Variants in KCNU1 observed in about 807,000 individuals in gnomAD.
KCNU1 encodes potassium calcium-activated channel subfamily U member 1.
In KCNU1, 93 loss-of-function variants were observed where a neutral mutation model predicts 126.8. The observed-to-expected ratio is 0.73, with a 90% CI of 0.62 to 0.87. KCNU1 has a LOEUF of 0.87. Among genes scored for constraint, KCNU1 ranks in the 40% least tolerant of loss-of-function variants. The probability of loss-of-function intolerance (pLI) is 0.00; values close to 1 mark genes in which losing one functional copy is unlikely to be tolerated. For missense variants in KCNU1, 1,330 were observed against 1,367.1 expected, an observed-to-expected ratio of 0.97 and a Z score of 0.43; for synonymous variants, 523 against 494.2, an observed-to-expected ratio of 1.06 and a Z score of -0.77.
intron 20 of KCNU1, among the ~76,000 whole-genome samples, chr8:36,908,095 G>A (rs1038539619): frequency 1.6e-4 from 24 of 152,068 alleles, no homozygotes; most frequent in African/African-American, 2.7e-4. Context: ...TTCTGACTCC[G>A]AGTCCAGGGT....
intron 19 of KCNU1, among the ~76,000 whole-genome samples, chr8:36,902,076 T>C (rs1255337346): frequency 6.6e-6 from 1 of 152,140 alleles, no homozygotes; most frequent in Admixed American, 6.6e-5. Flanking sequence ...AACGGAGCTT[T>C]AGTTAAGGGA....
At chr8:36,784,939 C>T (rs1802658851) in intron 1 of KCNU1, among the ~76,000 whole-genome samples, 1 of 152,176 alleles carries the variant, frequency 6.6e-6, no homozygotes, top group Non-Finnish European at 1.5e-5. Context: ...TTTAACAAGA[C>T]AATTGTGCTA....
intron 10 of KCNU1, among the ~76,000 whole-genome samples, chr8:36,824,479 G>C (rs1395991387): frequency 6.6e-6 from 1 of 152,036 alleles, no homozygotes; most frequent in Non-Finnish European, 1.5e-5. Flanking sequence ...TGTATATATA[G>C]GAAAAATGGT....
chr8:36,921,659 GAAAAAA>G (rs58109120), intron 23 of KCNU1, among the ~76,000 whole-genome samples: 2 of 97,764 alleles, frequency 2.0e-5, no homozygotes, highest in Admixed American at 1.0e-4. Flanking sequence ...ATGAAGTGAG[GAAAAAA>G]AAAAAAAAAA....
At chr8:36,882,674 C>G (rs1806532032) in intron 19 of KCNU1, among the ~76,000 whole-genome samples, 1 of 152,112 alleles carries the variant, frequency 6.6e-6, no homozygotes. Flanking sequence ...ACCTCCTCCT[C>G]CCAGGTTCAA....
intron 2 of KCNU1, among the ~76,000 whole-genome samples, chr8:36,803,722 T>A (rs192278253): frequency 1.0e-3 from 152 of 152,304 alleles, no homozygotes; most frequent in Middle Eastern, 3.4e-3. Context: ...CATCTTGAGA[T>A]CAAAGATTAA....
chr8:36,871,407 A>C (rs2117364473), intron 19 of KCNU1, among the ~76,000 whole-genome samples: 1 of 142,610 alleles, frequency 7.0e-6, no homozygotes, highest in South Asian at 2.3e-4. Flanking sequence ...ATATATATAT[A>C]CATAGAGAGA....
chr8:36,899,111 A>G (rs530488425), intron 19 of KCNU1, among the ~76,000 whole-genome samples: 2 of 152,218 alleles, frequency 1.3e-5, no homozygotes, highest in South Asian at 4.1e-4. Context: ...ATTCATAGAA[A>G]AAGCGCTGCA....
chr8:36,907,616 G>A (rs1807683847), intron 20 of KCNU1, among the ~76,000 whole-genome samples: 1 of 152,194 alleles, frequency 6.6e-6, no homozygotes, highest in African/African-American at 2.4e-5. Flanking sequence ...GTACAGTACA[G>A]TATTTCCCAG....
chr8:36,849,213 C>T (rs945114758), intron 18 of KCNU1, among the ~76,000 whole-genome samples: 1 of 151,874 alleles, frequency 6.6e-6, no homozygotes, highest in African/African-American at 2.4e-5. Context: ...AAAAACAAAA[C>T]GAAAAACAAA....
intron 19 of KCNU1, among the ~76,000 whole-genome samples, chr8:36,895,451 T>C (rs1267199368): frequency 6.6e-6 from 1 of 152,092 alleles, no homozygotes; most frequent in Non-Finnish European, 1.5e-5. Flanking sequence ...TGTCAACCAC[T>C]ATTTCCGAAC....
chr8:36,843,879 G>C (rs562314801), intron 16 of KCNU1, among the ~76,000 whole-genome samples: 2 of 152,232 alleles, frequency 1.3e-5, no homozygotes, highest in Admixed American at 6.5e-5. Flanking sequence ...TTACTGTAAT[G>C]ATTTTGTTCC....
chr8:36,812,801 A>T (rs572336936), intron 7 of KCNU1, among the ~76,000 whole-genome samples: 1 of 152,186 alleles, frequency 6.6e-6, no homozygotes, highest in African/African-American at 2.4e-5. Context: ...CTAAAGAGAT[A>T]CTGAGAAAGT....
intron 25 of KCNU1, among the ~76,000 whole-genome samples, chr8:36,931,912 G>A (rs756684756): frequency 2.6e-5 from 4 of 152,126 alleles, no homozygotes; most frequent in African/African-American, 4.8e-5. Context: ...TTGGGAATCA[G>A]AGTAGGGTCT....
In KCNU1 at chr8:36,884,697, C is replaced by G. The variant is rs552908057; in HGVS notation, c.2009+20176C>G. Among the ~76,000 whole-genome samples the G allele has an allele frequency of 1.5e-4, 23 of 152,024 alleles. No homozygotes were observed. In the South Asian group the frequency reaches 4.6e-3, roughly 30 times the overall value. ...GTTGCAGTGAGCCAAGATTGAGCCA[C>G]TGGACTTCTGGGTAACAGAGCCTGG... On this transcript the variant is annotated intron_variant, in intron 19 of 26. Transcript: ENST00000399881.
chr8:36,817,207 T>G (rs1803946607), intron 9 of KCNU1, among the ~76,000 whole-genome samples: 2 of 151,974 alleles, frequency 1.3e-5, no homozygotes. Flanking sequence ...GTTTAAAATC[T>G]GGGTGATGCA....
intron 19 of KCNU1, among the ~76,000 whole-genome samples, chr8:36,882,542 A>T (rs758147337): frequency 8.0e-4 from 122 of 152,174 alleles, no homozygotes; most frequent in Non-Finnish European, 1.5e-3. Context: ...GTCCTCACCA[A>T]ATTGGCAGCA....
At chr8:36,808,850 GA>G in intron 7 of KCNU1, 57 bp downstream of exon 7, 1 of 1,283,572 alleles carries the variant, frequency 7.8e-7, no homozygotes, top group Non-Finnish European at 1.1e-6. Flanking sequence ...TCCATTTTTT[GA>G]AAAATGGAAG....
chr8:36,846,077 A>G (rs572055488), intron 18 of KCNU1, among the ~76,000 whole-genome samples, 178 bp downstream of exon 18: 5 of 152,364 alleles, frequency 3.3e-5, no homozygotes, highest in African/African-American at 1.2e-4. Flanking sequence ...GCTGGAAGAA[A>G]CCTAACTAGT....
Sources: allele counts gnomAD v4.1 joint callset (sites outside exome capture counted in the v4.1 genomes callset), GRCh38; gene constraint gnomAD v4.1.1; transcripts MANE v1.5; gene names NCBI Gene and HGNC (gene_info 2026-07-23, HGNC 2026-07-21).